MX2: variants seen among roughly 807,000 people sequenced by gnomAD.
MX2 encodes the protein MX dynamin like GTPase 2, also known as interferon-induced GTP-binding protein Mx2.
In MX2, 51 loss-of-function variants were observed where a neutral mutation model predicts 74.0. That is an observed-to-expected ratio of 0.69 (90% CI 0.55 to 0.87). The LOEUF is 0.87. MX2 is among the 40% of genes least tolerant of loss of function. MX2 has a pLI of 0.00. For synonymous variants in MX2, 369 were observed against 339.3 expected, an observed-to-expected ratio of 1.09 and a Z score of -0.96; for missense variants, 832 against 908.7, an observed-to-expected ratio of 0.92 and a Z score of 1.09.
Position 41,379,344 on chromosome 21 carries a change from G to T in MX2, c.443-673G>T, listed in dbSNP as rs527933448. Among the ~76,000 whole-genome samples, 24 of 152,168 alleles carry T rather than the reference G, an allele frequency of 1.6e-4. 1 individual carries two copies. Among genetic ancestry groups the T allele is most frequent in the Admixed American group, 1.6e-3 (24 of 15,278 alleles). On this transcript the variant is annotated intron_variant, in intron 3 of 13. Coordinates refer to ENST00000330714, the MANE Select transcript of MX2 (RefSeq NM_002463.2). ...AGGTCGCGGGTTCTCAGGGCTTCACGGCAGGAGCGTGAGGGCCCCCACCCC... is the reference window on the plus strand; with the variant it reads ...AGGTCGCGGGTTCTCAGGGCTTCACTGCAGGAGCGTGAGGGCCCCCACCCC...
chr21:41,376,651 C>T (rs1027826257), intron 1 of MX2, among the ~76,000 whole-genome samples, 185 bp from the exon 2 acceptor site: 2 of 152,298 alleles, frequency 1.3e-5, no homozygotes, highest in East Asian at 1.9e-4. Flanking sequence ...GGTAGAAATC[C>T]ACTTGTGCTC....
chr21:41,405,456 C>T (rs1480725466), intron 12 of MX2, among the ~76,000 whole-genome samples: 6 of 151,898 alleles, frequency 4.0e-5, no homozygotes, highest in East Asian at 3.9e-4. Context: ...TTTCAGGTTG[C>T]GGATGGCCAC....
rs78512766 is a variant in MX2, at chr21:41,363,006, G to A, written c.-72+951G>A. Among the ~76,000 whole-genome samples the A allele has an allele frequency of 0.044, 6,650 of 151,932 alleles. 482 individuals are homozygous for A. Among genetic ancestry groups the A allele is most frequent in the African/African-American group, 0.15 (6,272 of 41,398 alleles). ...ACTCACTGGCTCAAGAAGTCCTTAC[G>A]CCTCAACCTCCCAAAGCACTGGGAT... On this transcript the variant is annotated intron_variant, in intron 1 of 13. Coordinates refer to ENST00000330714, the MANE Select transcript of MX2 (RefSeq NM_002463.2). This position sits in a 1 kb window ranked among gnomAD's most constrained non-coding sequence, Gnocchi z 4.2.
chr21:41,362,830 C>T (rs2089228454), intron 1 of MX2, among the ~76,000 whole-genome samples: 1 of 131,862 alleles, frequency 7.6e-6, no homozygotes, highest in African/African-American at 3.0e-5. Flanking sequence ...GTGATCATGG[C>T]TCACTGCAGT....
At chr21:41,373,628 C>T (rs1191554908) in intron 1 of MX2, among the ~76,000 whole-genome samples, 1 of 152,104 alleles carries the variant, frequency 6.6e-6, no homozygotes, top group African/African-American at 2.4e-5. Context: ...TTGACCATGA[C>T]TTCAAAGCAT....
At chr21:41,398,018 A>C (rs1568946939) in intron 8 of MX2, among the ~76,000 whole-genome samples, 1 of 152,174 alleles carries the variant, frequency 6.6e-6, no homozygotes, top group Non-Finnish European at 1.5e-5. Flanking sequence ...CTGGTATAAA[A>C]AATTTTTCTT....
At chr21:41,397,554 G>A (rs1467438509) in intron 7 of MX2, 59 bp from the exon 8 acceptor site, 10 of 1,509,664 alleles carry the variant, frequency 6.6e-6, no homozygotes, top group African/African-American at 5.5e-5. Flanking sequence ...ACAAAGTCCG[G>A]TACTAGCAAG....
At chr21:41,379,266 C>T (rs536280973) in intron 3 of MX2, among the ~76,000 whole-genome samples, 3 of 152,162 alleles carry the variant, frequency 2.0e-5, no homozygotes, top group Admixed American at 1.3e-4. Context: ...GGACCCTGGG[C>T]GAGTCCCATA....
At position 41,380,431 on chromosome 21, in the gene MX2, C is replaced by T. The variant is rs570744271; in HGVS notation, c.577+280C>T. Among the ~76,000 whole-genome samples, 12 of 152,232 alleles carry T rather than the reference C, an allele frequency of 7.9e-5. No homozygotes were observed. In the South Asian group the frequency reaches 1.4e-3, roughly 18 times the overall value. Reference sequence around the variant, plus strand: ...GCCTTACCTGTCCTCTCCCGCTCCCCGCCAGCCCAGGCTTTCTCTACTCCA... The same window carrying T: ...GCCTTACCTGTCCTCTCCCGCTCCCTGCCAGCCCAGGCTTTCTCTACTCCA... On this transcript the variant is annotated intron_variant, in intron 4 of 13. Transcript: ENST00000330714. The surrounding 1 kb of genome is among the most constrained non-coding windows in gnomAD (Gnocchi z 4.3).
intron 1 of MX2, among the ~76,000 whole-genome samples, chr21:41,373,197 A>C (rs552217481): frequency 6.6e-6 from 1 of 151,306 alleles, no homozygotes; most frequent in Non-Finnish European, 1.5e-5. Flanking sequence ...CAGGCACTCA[A>C]TGAATGTTTA....
At chr21:41,396,974 T>A (rs1410134030) in intron 7 of MX2, among the ~76,000 whole-genome samples, 1 of 152,154 alleles carries the variant, frequency 6.6e-6, no homozygotes, top group Non-Finnish European at 1.5e-5. Flanking sequence ...TCCAGGGACC[T>A]CCCTTTGCAA....
Position 41,401,954 on chromosome 21 carries a change from C to A in MX2, c.1415-16C>A, listed in dbSNP as rs1319794850. The A allele has an allele frequency of 1.2e-6, 2 of 1,609,320 alleles. No homozygotes were observed. Among genetic ancestry groups the A allele is most frequent in the Non-Finnish European group, 1.7e-6 (2 of 1,177,724 alleles). Reference sequence around the variant, plus strand: ...AATTAGCAGAATTCACCATGGAGGTCTGTTTGATGTTGCAGTTAAAAATAT... The same window carrying A: ...AATTAGCAGAATTCACCATGGAGGTATGTTTGATGTTGCAGTTAAAAATAT... On this transcript the variant is annotated splice_polypyrimidine_tract_variant and intron_variant, in intron 10 of 13. Transcript: ENST00000330714.
chr21:41,396,070 A>G (rs1053417671), intron 7 of MX2, among the ~76,000 whole-genome samples: 3 of 152,248 alleles, frequency 2.0e-5, no homozygotes, highest in African/African-American at 7.2e-5. Context: ...GAGTCCTTAT[A>G]TTAAGAGATA....
chr21:41,384,666 C>T (rs1317576539), intron 5 of MX2, among the ~76,000 whole-genome samples: 1 of 152,012 alleles, frequency 6.6e-6, no homozygotes, highest in Non-Finnish European at 1.5e-5. Context: ...AGAATTCTAT[C>T]TGAAAGGGTG....
intron 6 of MX2, among the ~76,000 whole-genome samples, chr21:41,393,051 C>T (rs752397469): frequency 7.0e-6 from 1 of 143,818 alleles, no homozygotes; most frequent in Non-Finnish European, 1.5e-5. Flanking sequence ...TTGCAGTGAG[C>T]CGAGATTGCA....
chr21:41,384,303 G>A (rs765280703), intron 5 of MX2, among the ~76,000 whole-genome samples: 1 of 152,122 alleles, frequency 6.6e-6, no homozygotes, highest in African/African-American at 2.4e-5. Flanking sequence ...ATACAGGTGG[G>A]ATCAGAACAT....
intron 5 of MX2, among the ~76,000 whole-genome samples, chr21:41,385,811 AT>A (rs547701991): frequency 1.7e-3 from 253 of 152,274 alleles, no homozygotes; most frequent in Non-Finnish European, 3.1e-3. Context: ...CCCCAAAACA[AT>A]TATAATAAAA....
intron 6 of MX2, among the ~76,000 whole-genome samples, chr21:41,393,297 A>G (rs2089688225): frequency 1.3e-5 from 2 of 152,082 alleles, no homozygotes; most frequent in Admixed American, 1.3e-4. Flanking sequence ...CTGGTTCCCC[A>G]CCTGTCCATT....
chr21:41,400,529 T>TA (rs2089797297), intron 10 of MX2, among the ~76,000 whole-genome samples: 1 of 152,144 alleles, frequency 6.6e-6, no homozygotes, highest in Non-Finnish European at 1.5e-5. Flanking sequence ...CACACAGCTA[T>TA]AAAAAACTAC....
Sources: allele counts gnomAD v4.1 joint callset (sites outside exome capture counted in the v4.1 genomes callset), GRCh38; gene constraint gnomAD v4.1.1; non-coding constraint Gnocchi (gnomAD v3.1); transcripts MANE v1.5; gene names NCBI Gene and HGNC (gene_info 2026-07-23, HGNC 2026-07-21).